The following PDHX variants were observed in gnomAD, a reference collection of about 807,000 sequenced individuals.
PDHX encodes pyruvate dehydrogenase protein X component, mitochondrial.
PDHX carries 33 observed loss-of-function variants against 55.3 expected under a neutral mutation model. That is an observed-to-expected ratio of 0.60 (90% CI 0.45 to 0.80). The LOEUF is 0.80. PDHX is among the 30% of genes least tolerant of loss of function. PDHX has a pLI of 0.00. For synonymous variants in PDHX, 226 were observed against 219.4 expected, an observed-to-expected ratio of 1.03 and a Z score of -0.27; for missense variants, 622 against 619.9, an observed-to-expected ratio of 1.00 and a Z score of -0.04.
Position 34,992,331 on chromosome 11 carries a change from C to T in PDHX, c.1199C>T (p.Ala400Val), listed in dbSNP as rs753333049. Residue 400 changes from alanine (A) to valine (V), a missense_variant, in exon 10 of 11, where the codon GCA becomes GTA. Ala to Val is a moderately conservative substitution (Grantham distance 64). Transcript: ENST00000227868. ...ADSVKALSKK[A>V]RDGKLLPEEY... ...TTTTCTCAGGCTCTATCAAAGAAAG[C>T]AAGAGATGGAAAATTGTTGCCTGAA... The T allele has an allele frequency of 1.2e-6, 2 of 1,601,708 alleles. No individual in the cohort carries two copies. The highest frequency in any genetic ancestry group is 1.7e-6 in the Non-Finnish European group (2 of 1,169,358).
At chr11:34,981,628 G>A (rs1299456584) in intron 8 of PDHX, among the ~76,000 whole-genome samples, 1 of 152,100 alleles carries the variant, frequency 6.6e-6, no homozygotes, top group Non-Finnish European at 1.5e-5. Flanking sequence ...CAGTGTAAAA[G>A]TGTTCCTATT....
intron 10 of PDHX, 116 bp downstream of exon 10, chr11:34,992,495 C>T (rs1855775930): frequency 3.1e-6 from 2 of 650,582 alleles, no homozygotes; most frequent in Non-Finnish European, 5.4e-6. Flanking sequence ...GCTAAAAATA[C>T]TTTATTTAGA....
At position 34,985,137 on chromosome 11, in the gene PDHX, T is replaced by C. The variant is rs59187495; in HGVS notation, c.1182+409T>C. Among the ~76,000 whole-genome samples the C allele has an allele frequency of 4.9e-3, 752 of 152,276 alleles. 3 individuals are homozygous for C. Among genetic ancestry groups the C allele is most frequent in the African/African-American group, 0.017 (719 of 41,560 alleles). Reference sequence around the variant, plus strand: ...AAGTGTATTTACTTCTTCTCTAAAATTGAGACCATTAAAAGAACTTAGCGG... The same window carrying C: ...AAGTGTATTTACTTCTTCTCTAAAACTGAGACCATTAAAAGAACTTAGCGG... On this transcript the variant is annotated intron_variant, in intron 9 of 10. Transcript: ENST00000227868.
rs1855840344 is a variant in PDHX at position 34,995,424 on chromosome 11, T to C, written c.*252T>C. ...GTTACTCAGATCCATTTTTAACCTC[T>C]GGTGCTGTATAAAGGGAATATTAAA... On this transcript the variant is annotated 3_prime_UTR_variant, in exon 11 of 11. Transcript: ENST00000227868. 4.4e-6 allele frequency: 2 copies of C among 456,214 alleles called. No homozygotes were observed. The highest frequency in any genetic ancestry group is 2.1e-5 in the South Asian group (1 of 47,732). The allele number at this position is 456,214 out of a possible 1,614,324, so 28.3% of individuals were successfully genotyped here.
intron 1 of PDHX, among the ~76,000 whole-genome samples, chr11:34,921,452 C>CG (rs1853876881): frequency 7.9e-6 from 1 of 127,098 alleles, no homozygotes; most frequent in Non-Finnish European, 1.7e-5. Context: ...GAAACTGACC[C>CG]AAAGTAGACC....
chr11:34,935,160 T>C (rs113563614), intron 2 of PDHX, among the ~76,000 whole-genome samples: 4 of 151,938 alleles, frequency 2.6e-5, no homozygotes, highest in African/African-American at 9.6e-5. Flanking sequence ...ATTCAAAATT[T>C]ATTTTTTATA....
chr11:34,948,269 T>G (rs543710554), intron 3 of PDHX, among the ~76,000 whole-genome samples: 39 of 152,342 alleles, frequency 2.6e-4, no homozygotes, highest in African/African-American at 9.4e-4. Context: ...TGGTGACCAT[T>G]AGTCCCCAAG....
chr11:34,930,120 A>G (rs908863991), intron 1 of PDHX, among the ~76,000 whole-genome samples: 4 of 152,214 alleles, frequency 2.6e-5, no homozygotes, highest in African/African-American at 9.7e-5. Context: ...TTTGAAAGGC[A>G]GCGCCGTGTG....
chr11:34,916,204 G>A, upstream of PDHX: 2 of 1,604,524 alleles, frequency 1.2e-6, no homozygotes, highest in Non-Finnish European at 1.7e-6. Flanking sequence ...TGGGAATACC[G>A]GGCACCGGTG....
chr11:34,944,903 C>T (rs578138499), intron 2 of PDHX, among the ~76,000 whole-genome samples: 7 of 152,156 alleles, frequency 4.6e-5, no homozygotes, highest in African/African-American at 9.6e-5. Context: ...ATTGTGATTA[C>T]GGATACATGG....
rs1377292731 is a variant in PDHX at position 34,995,202 on chromosome 11, T to G, written c.*30T>G. 11 of 1,611,586 alleles carry G rather than the reference T, an allele frequency of 6.8e-6. No individual in the cohort carries two copies. The highest frequency in any genetic ancestry group is 1.3e-5 in the African/African-American group (1 of 74,862). ...CAAAGATAAGAAGTTGGTGTTCAGC[T>G]TAGTTGATTCAGTAGTTGTTACCAA... is the stretch of plus-strand genomic sequence containing the variant. On this transcript the variant is annotated 3_prime_UTR_variant, in exon 11 of 11. Coordinates refer to ENST00000227868, the MANE Select transcript of PDHX (RefSeq NM_003477.3).
At chr11:34,954,439 T>A (rs1252692579) in intron 3 of PDHX, among the ~76,000 whole-genome samples, 1 of 152,198 alleles carries the variant, frequency 6.6e-6, no homozygotes, top group African/African-American at 2.4e-5. Flanking sequence ...TGTGAGAATG[T>A]CTCTGGTACA....
intron 5 of PDHX, among the ~76,000 whole-genome samples, chr11:34,962,084 A>C (rs1855030945): frequency 6.6e-6 from 1 of 152,208 alleles, no homozygotes; most frequent in African/African-American, 2.4e-5. Flanking sequence ...AATTCTGAGG[A>C]TTAGGAATAA....
At chr11:34,928,218 A>T in intron 1 of PDHX, among the ~76,000 whole-genome samples, 1 of 152,122 alleles carries the variant, frequency 6.6e-6, no homozygotes, top group African/African-American at 2.4e-5. Context: ...TATTTGTCGT[A>T]AATTGGAATC....
intron 1 of PDHX, among the ~76,000 whole-genome samples, chr11:34,930,523 G>T (rs1191832039): frequency 2.6e-5 from 4 of 152,228 alleles, no homozygotes; most frequent in Non-Finnish European, 5.9e-5. Context: ...TTTGGGTCTG[G>T]AAAGTTGAGT....
intron 3 of PDHX, among the ~76,000 whole-genome samples, chr11:34,953,138 C>T (rs913099930): frequency 3.3e-5 from 5 of 152,182 alleles, no homozygotes; most frequent in East Asian, 3.9e-4. Context: ...TTACGAGGGA[C>T]GTGAAGGACC....
intron 7 of PDHX, among the ~76,000 whole-genome samples, chr11:34,972,400 T>C (rs1003016245): frequency 1.3e-5 from 2 of 151,944 alleles, no homozygotes; most frequent in African/African-American, 4.8e-5. Flanking sequence ...TGTTGATTTT[T>C]TTTTTTTTTC....
chr11:34,964,464 C>T (rs1348252576), intron 5 of PDHX, among the ~76,000 whole-genome samples: 2 of 152,016 alleles, frequency 1.3e-5, no homozygotes, highest in African/African-American at 2.4e-5. Context: ...ATTAGCCAGG[C>T]GTGGTGATGC....
intron 10 of PDHX, among the ~76,000 whole-genome samples, chr11:34,994,246 A>G (rs1308346466): frequency 6.6e-6 from 1 of 152,248 alleles, no homozygotes; most frequent in Non-Finnish European, 1.5e-5. Context: ...AAACCTATAC[A>G]GCATGTTACT....
Sources: gnomAD v4.1 joint callset for allele counts (sites outside exome capture counted in the v4.1 genomes callset) on GRCh38, gnomAD v4.1.1 for gene constraint, MANE v1.5 for transcripts, NCBI Gene and HGNC (gene_info 2026-07-23, HGNC 2026-07-21) for gene names.